The following GPC5 variants were observed in gnomAD, a reference collection of about 807,000 sequenced individuals.
GPC5 encodes the protein glypican-5.
In GPC5, 47 loss-of-function variants were observed where a neutral mutation model predicts 53.9. The ratio of observed to expected loss-of-function variants is 0.87; its 90% confidence interval spans 0.69 to 1.11. The LOEUF (loss-of-function observed/expected upper bound fraction) is 1.11, where lower values mean the gene tolerates loss of function less well. Among genes scored for constraint, GPC5 ranks in the 50% most tolerant of loss-of-function variants. GPC5 has a pLI of 0.00. For missense variants in GPC5, 748 were observed against 713.1 expected (o/e 1.05, Z -0.56); for synonymous variants, 286 against 263.3 (o/e 1.09, Z -0.84).
intron 7 of GPC5, among the ~76,000 whole-genome samples, chr13:92,283,928 C>A (rs1467310116): frequency 6.6e-6 from 1 of 152,084 alleles, no homozygotes; most frequent in Non-Finnish European, 1.5e-5. Flanking sequence ...ACAAAAAACC[C>A]TTCAAAAAAT....
chr13:92,002,999 T>C (rs777611926), intron 6 of GPC5, among the ~76,000 whole-genome samples: 7 of 151,978 alleles, frequency 4.6e-5, no homozygotes, highest in Non-Finnish European at 1.0e-4. Flanking sequence ...TAACAAAATT[T>C]AAAAGTAGTA....
chr13:91,771,010 G>T (rs781516502), intron 5 of GPC5, among the ~76,000 whole-genome samples: 2 of 152,116 alleles, frequency 1.3e-5, no homozygotes, highest in Non-Finnish European at 2.9e-5. Flanking sequence ...GCAGAGAAAT[G>T]CATACCATAA....
chr13:91,571,134 G>A (rs2031761712), intron 2 of GPC5, among the ~76,000 whole-genome samples: 3 of 152,002 alleles, frequency 2.0e-5, no homozygotes. Flanking sequence ...CAACATTAAT[G>A]GTCCTTCTTG....
chr13:91,607,146 C>G (rs2033395386), intron 2 of GPC5, among the ~76,000 whole-genome samples: 1 of 152,020 alleles, frequency 6.6e-6, no homozygotes, highest in African/African-American at 2.4e-5. Flanking sequence ...TTTGAAATGT[C>G]AAACAGATAG....
At chr13:91,515,732 C>T (rs932388744) in intron 2 of GPC5, among the ~76,000 whole-genome samples, 7 of 152,114 alleles carry the variant, frequency 4.6e-5, no homozygotes, top group Non-Finnish European at 2.9e-5. Flanking sequence ...TTCCTCATCT[C>T]CCATTTGGGA....
At chr13:92,124,248 G>GAAAAAAAAAA (rs34042033) in intron 6 of GPC5, among the ~76,000 whole-genome samples, 20 of 54,988 alleles carry the variant, frequency 3.6e-4, no homozygotes, top group East Asian at 8.2e-4. Context: ...CGGACAGAAT[G>GAAAAAAAAAA]AAAAAAAAAA....
At chr13:92,450,748 C>T (rs1878028120) in intron 7 of GPC5, among the ~76,000 whole-genome samples, 1 of 152,146 alleles carries the variant, frequency 6.6e-6, no homozygotes, top group South Asian at 2.1e-4. Flanking sequence ...CATCATAAAG[C>T]ATCGTGTGGA....
chr13:92,578,954 A>G (rs1169340792), intron 7 of GPC5, among the ~76,000 whole-genome samples: 1 of 152,174 alleles, frequency 6.6e-6, no homozygotes, highest in Non-Finnish European at 1.5e-5. Flanking sequence ...TGATAACCCC[A>G]GAGAATTCAA....
rs1197537203 is a variant in GPC5, at chr13:92,866,289, A to G, written c.1569A>G (p.Pro523=). 1 of 1,610,020 alleles carries G rather than the reference A, an allele frequency of 6.2e-7. No homozygotes were observed. The highest frequency in any genetic ancestry group is 8.5e-7 in the Non-Finnish European group (1 of 1,177,446). ...KRTLKITDWM[P]DDMNFSDVKQ... ...TCTTATTTGCCTCTACAGGGATGCC[A>G]GATGATATGAACTTCAGTGATGTAA... Residue 523 remains proline, a synonymous_variant, in exon 8 of 8, where the codon CCA becomes CCG. Transcript: ENST00000377067.
chr13:91,432,262 T>C (rs1014786840), intron 1 of GPC5, among the ~76,000 whole-genome samples: 2 of 151,348 alleles, frequency 1.3e-5, no homozygotes, highest in Non-Finnish European at 2.9e-5. Context: ...TGTTTAGGCC[T>C]TTTGTCTTCT....
intron 7 of GPC5, among the ~76,000 whole-genome samples, chr13:92,706,281 A>G (rs1038344471): frequency 1.3e-5 from 2 of 152,136 alleles, no homozygotes; most frequent in Non-Finnish European, 2.9e-5. Context: ...ATTAAAAGTT[A>G]TAATTCAAAT....
intron 7 of GPC5, among the ~76,000 whole-genome samples, chr13:92,549,126 A>G (rs977041515): frequency 6.6e-6 from 1 of 152,112 alleles, no homozygotes; most frequent in Non-Finnish European, 1.5e-5. Context: ...TAAATCAATC[A>G]GCTAACTATA....
At chr13:92,051,233 C>G (rs1343016248) in intron 6 of GPC5, among the ~76,000 whole-genome samples, 2 of 130,562 alleles carry the variant, frequency 1.5e-5, no homozygotes, top group Non-Finnish European at 1.6e-5. Context: ...GACGGAGTCT[C>G]GCTCTGTCAC....
chr13:91,485,365 A>C (rs1221329261), intron 2 of GPC5, among the ~76,000 whole-genome samples: 1 of 152,072 alleles, frequency 6.6e-6, no homozygotes, highest in African/African-American at 2.4e-5. Flanking sequence ...GGTGCATACC[A>C]CCATGCCCAG....
intron 6 of GPC5, among the ~76,000 whole-genome samples, chr13:92,055,432 A>C (rs1346232729): frequency 6.6e-6 from 1 of 152,240 alleles, no homozygotes; most frequent in Non-Finnish European, 1.5e-5. Flanking sequence ...AATTGCTAAC[A>C]AAATTCAAGA....
At chr13:91,933,600 G>A (rs1267236481) in intron 6 of GPC5, among the ~76,000 whole-genome samples, 1 of 151,894 alleles carries the variant, frequency 6.6e-6, no homozygotes, top group South Asian at 2.1e-4. Flanking sequence ...AAACATATAT[G>A]CCACACGTCC....
chr13:92,148,676 C>T (rs1377226056), intron 7 of GPC5, among the ~76,000 whole-genome samples: 3 of 152,026 alleles, frequency 2.0e-5, no homozygotes, highest in Non-Finnish European at 2.9e-5. Flanking sequence ...ATTGGAATGG[C>T]TTTGAACTTA....
intron 7 of GPC5, among the ~76,000 whole-genome samples, chr13:92,844,126 A>C (rs1878521336): frequency 6.6e-6 from 1 of 152,006 alleles, no homozygotes; most frequent in Non-Finnish European, 1.5e-5. Flanking sequence ...TGTAAGTGAC[A>C]GTTACTTCTT....
At chr13:92,018,630 CT>C (rs1284998824) in intron 6 of GPC5, among the ~76,000 whole-genome samples, 1 of 151,994 alleles carries the variant, frequency 6.6e-6, no homozygotes, top group Non-Finnish European at 1.5e-5. Flanking sequence ...AAGAAAAAAG[CT>C]CAAATTCTGA....
Sources: allele counts gnomAD v4.1 joint callset (sites outside exome capture counted in the v4.1 genomes callset), GRCh38; gene constraint gnomAD v4.1.1; transcripts MANE v1.5; gene names NCBI Gene and HGNC (gene_info 2026-07-23, HGNC 2026-07-21).